Variants in NWD1 observed in about 807,000 individuals in gnomAD.
The protein encoded by NWD1 is NACHT domain- and WD repeat-containing protein 1.
A neutral mutation model predicts 135.1 loss-of-function variants in NWD1; 129 were observed. That is an observed-to-expected ratio of 0.96 (90% CI 0.83 to 1.11). The LOEUF (loss-of-function observed/expected upper bound fraction) is 1.11. NWD1 is among the 50% of genes least tolerant of loss of function. The probability of loss-of-function intolerance (pLI) is 0.00; values close to 1 mark genes in which losing one functional copy is unlikely to be tolerated. For missense variants in NWD1, 1,740 were observed against 1,851.3 expected (o/e 0.94, Z 1.10); for synonymous variants, 773 against 786.0 (o/e 0.98, Z 0.28).
intron 6 of NWD1, among the ~76,000 whole-genome samples, chr19:16,753,057 C>T (rs1286290127): frequency 6.6e-6 from 1 of 152,138 alleles, no homozygotes; most frequent in Non-Finnish European, 1.5e-5. Flanking sequence ...GCCCATTGGG[C>T]CATTCTGTTG....
intron 10 of NWD1, among the ~76,000 whole-genome samples, chr19:16,768,393 A>G (rs779834170): frequency 1.1e-4 from 16 of 152,104 alleles, no homozygotes; most frequent in Non-Finnish European, 2.4e-4. Flanking sequence ...TTATCCGTTC[A>G]TCTGTCTGTG....
intron 18 of NWD1, among the ~76,000 whole-genome samples, chr19:16,809,563 T>TC (rs1354988156): frequency 8.7e-6 from 1 of 114,918 alleles, no homozygotes; most frequent in East Asian, 2.0e-4. Flanking sequence ...CTTTTTCTTT[T>TC]TTTTTTTTTG....
In NWD1 at chr19:16,773,286, A is replaced by T; in HGVS notation, c.2571A>T (p.Gly857=). 6.2e-7 allele frequency: 1 copy of T among 1,613,206 alleles called. No individual in the cohort carries two copies. The highest frequency in any genetic ancestry group is 8.5e-7 in the Non-Finnish European group (1 of 1,179,964). The change falls in exon 11 of 19, where the codon GGA becomes GGT. Residue 857 remains glycine (G), a synonymous_variant. Transcript: ENST00000524140. ...VPLGGFLQPP[G]GPLRATLSGC... ...TCGGAGGATTCCTCCAGCCCCCGGG[A>T]GGACCCCTCCGGGCAACTCTCAGCG... is the stretch of plus-strand genomic sequence containing the variant.
chr19:16,808,994 GGATT>G (rs1970839245), intron 18 of NWD1, among the ~76,000 whole-genome samples: 1 of 152,158 alleles, frequency 6.6e-6, no homozygotes, highest in Non-Finnish European at 1.5e-5. Context: ...TGAGGCGGAA[GGATT>G]GATTGAGCCC....
intron 18 of NWD1, 63 bp downstream of exon 18, chr19:16,808,199 A>G (rs1003051774): frequency 1.4e-6 from 2 of 1,454,732 alleles, no homozygotes; most frequent in Admixed American, 1.7e-5. Context: ...ATAGATAGCC[A>G]TCATTTACTA....
chr19:16,807,561 C>T, intron 17 of NWD1, 25 bp from the exon 18 acceptor site: 2 of 1,507,274 alleles, frequency 1.3e-6, no homozygotes, highest in Non-Finnish European at 1.8e-6. Flanking sequence ...CAGTGTAAGT[C>T]ATTCTCATTT....
chr19:16,743,914 C>T (rs1325854832), intron 4 of NWD1, among the ~76,000 whole-genome samples: 1 of 151,994 alleles, frequency 6.6e-6, no homozygotes, highest in Admixed American at 6.6e-5. Context: ...AACTCCTGAC[C>T]TCAGGTAATC....
At chr19:16,764,231 A>G (rs998585254) in intron 9 of NWD1, among the ~76,000 whole-genome samples, 2 of 152,074 alleles carry the variant, frequency 1.3e-5, no homozygotes, top group African/African-American at 4.8e-5. Flanking sequence ...ACAGAAAATA[A>G]TCTAGCTCCA....
chr19:16,739,329 CAAAAAAAA>C (rs67106916), intron 4 of NWD1, among the ~76,000 whole-genome samples: 1 of 78,966 alleles, frequency 1.3e-5, no homozygotes, highest in Non-Finnish European at 2.4e-5. Context: ...CTATCTCTAC[CAAAAAAAA>C]AAAAAAAAAA....
intron 12 of NWD1, among the ~76,000 whole-genome samples, chr19:16,781,533 T>C (rs1301444642): frequency 1.3e-5 from 2 of 151,706 alleles, no homozygotes; most frequent in Non-Finnish European, 2.9e-5. Context: ...TGAGAATCGC[T>C]TGAGCTCAGG....
chr19:16,753,947 A>T (rs1211558673), intron 6 of NWD1, among the ~76,000 whole-genome samples: 2 of 148,680 alleles, frequency 1.3e-5, no homozygotes, highest in African/African-American at 5.0e-5. Flanking sequence ...CCATCCTTCC[A>T]TCCATTCTCT....
rs1971108514 is a variant in NWD1, at chr19:16,817,945, T to C, written c.*2906T>C. The C allele has an allele frequency of 6.6e-6, 1 of 152,128 alleles. No homozygotes were observed. Among genetic ancestry groups the C allele is most frequent in the South Asian group, 2.1e-4 (1 of 4,826 alleles). 9.4% of individuals were successfully genotyped at this position (152,128 alleles called of 1,614,324 possible). A position where few individuals can be genotyped will look rare whatever the true frequency, so the allele number is the denominator to read the frequency against. Reference sequence around the variant, plus strand: ...AAATGCCTTTTTACTAATAAAATGCTACAACAAATTATTGCTTATATTGGG... The same window carrying C: ...AAATGCCTTTTTACTAATAAAATGCCACAACAAATTATTGCTTATATTGGG... On this transcript the variant is annotated 3_prime_UTR_variant, in exon 19 of 19. Coordinates refer to ENST00000524140, the MANE Select transcript of NWD1 (RefSeq NM_001007525.5).
intron 11 of NWD1, among the ~76,000 whole-genome samples, chr19:16,774,995 C>A (rs1313845451): frequency 6.6e-6 from 1 of 152,130 alleles, no homozygotes; most frequent in African/African-American, 2.4e-5. Context: ...TCTACCCACT[C>A]ATTTACCTCC....
chr19:16,778,287 G>T (rs1969726096), intron 11 of NWD1, among the ~76,000 whole-genome samples: 1 of 152,032 alleles, frequency 6.6e-6, no homozygotes, highest in South Asian at 2.1e-4. Flanking sequence ...TTCTCTCTCT[G>T]CAGTGATATT....
intron 12 of NWD1, among the ~76,000 whole-genome samples, chr19:16,784,412 G>GAT (rs1599527184): frequency 6.6e-6 from 1 of 151,956 alleles, no homozygotes; most frequent in East Asian, 1.9e-4. Context: ...TATACAGGAG[G>GAT]ATATATATAG....
intron 18 of NWD1, chr19:16,812,932 G>T (rs557626904): frequency 6.1e-5 from 47 of 768,636 alleles, no homozygotes; most frequent in Non-Finnish European, 9.0e-5. Context: ...GCATTAGAGG[G>T]CCCTGCTCTG....
chr19:16,757,590 C>G (rs114706531), intron 6 of NWD1, among the ~76,000 whole-genome samples: 102 of 152,270 alleles, frequency 6.7e-4, no homozygotes, highest in African/African-American at 2.3e-3. Context: ...CATGCACAGC[C>G]CTGTTTTGCA....
Position 16,750,020 on chromosome 19 carries a change from C to T in NWD1, c.1378C>T (p.Pro460Ser). 1.2e-6 allele frequency: 2 copies of T among 1,613,886 alleles called. No homozygotes were observed. Among genetic ancestry groups the T allele is most frequent in the Non-Finnish European group, 1.7e-6 (2 of 1,179,980 alleles). ...TCCCTGGCTGCCTCTCAACTGCCCC[C>T]CGAGGGTGCACCTCATCCTCTCAGC... ...RVPWLPLNCP[P>S]RVHLILSACS... is the part of the protein sequence containing the mutation. The change falls in exon 6 of 19, where the codon CCG (proline) becomes TCG (serine). Residue 460 changes from proline to serine, a missense_variant. By Grantham distance (74) the Pro-to-Ser change is moderately conservative. Transcript: ENST00000524140.
intron 6 of NWD1, among the ~76,000 whole-genome samples, chr19:16,753,661 C>T (rs1023160488): frequency 3.9e-5 from 6 of 152,136 alleles, no homozygotes; most frequent in African/African-American, 1.4e-4. Context: ...TGAGTGGAGT[C>T]CAGGGATGCT....
Sources: gnomAD v4.1 joint callset for allele counts (sites outside exome capture counted in the v4.1 genomes callset) on GRCh38, gnomAD v4.1.1 for gene constraint, MANE v1.5 for transcripts, NCBI Gene and HGNC (gene_info 2026-07-23, HGNC 2026-07-21) for gene names.